SEMA5B: variants seen among roughly 807,000 people sequenced by gnomAD.
SEMA5B encodes the protein semaphorin 5B.
In SEMA5B, 66 loss-of-function variants were observed where a neutral mutation model predicts 135.0. The ratio of observed to expected loss-of-function variants is 0.49; its 90% CI spans 0.40 to 0.60. SEMA5B has a LOEUF of 0.60. Ranked by LOEUF, SEMA5B falls within the 20% of genes least tolerant of loss-of-function variation. SEMA5B has a pLI of 0.00. For synonymous variants in SEMA5B, 690 were observed against 639.5 expected, an observed-to-expected ratio of 1.08 and a Z score of -1.19; for missense variants, 1,501 against 1,566.3, an observed-to-expected ratio of 0.96 and a Z score of 0.70.
chr3:123,003,904 G>C lies in SEMA5B; in HGVS notation c.-39+23560C>G, dbSNP rs535456283. ...CTTGAAGTTTTAATTCAGCTGCCAA[G>C]AACAATCAGGGCAGCCTTCCTTGTT... On this transcript the variant is annotated intron_variant, in intron 1 of 22. Coordinates refer to ENST00000357599, the MANE Select transcript of SEMA5B (RefSeq NM_001031702.4). 2.5e-4 allele frequency among the ~76,000 whole-genome samples: 38 copies of C among 152,206 alleles called. 2 individuals are homozygous for C. The South Asian group carries it at 6.6e-3, about 27-fold the overall frequency.
intron 12 of SEMA5B, among the ~76,000 whole-genome samples, chr3:122,920,191 T>C (rs1938278194): frequency 6.6e-6 from 1 of 152,216 alleles, no homozygotes; most frequent in Non-Finnish European, 1.5e-5. Context: ...AAGTCCTCCT[T>C]TGGCCTTCTC....
chr3:122,913,858 C>G lies in SEMA5B; in HGVS notation c.2132G>C (p.Arg711Pro). 1 of 1,600,658 alleles carries G rather than the reference C, an allele frequency of 6.2e-7. No individual in the cohort carries two copies. Among genetic ancestry groups the G allele is most frequent in the Non-Finnish European group, 8.5e-7 (1 of 1,172,796 alleles). The part of the protein sequence containing the change: ...RICVGKSREE[R>P]FCNENTPCPV... ...TCAGAGCAAGCCTGTTCTCCCTCACCGTTCCTCCCGGCTCTTGCCCACGCA... is the reference window on the plus strand; with the variant it reads ...TCAGAGCAAGCCTGTTCTCCCTCACGGTTCCTCCCGGCTCTTGCCCACGCA... Residue 711 changes from arginine to proline, a missense_variant and splice_region_variant, in exon 15 of 23, where the codon CGG becomes CCG. Physicochemically the swap from Arg to Pro is moderately radical, Grantham distance 103. Around this residue, in one of 2 missense-constraint regions of SEMA5B, gnomAD observed 927 missense variants for 881.6 expected, o/e 1.05. Transcript: ENST00000357599.
At position 122,943,428 on chromosome 3, in the gene SEMA5B, C is replaced by CT. The variant is rs1939651760; in HGVS notation, c.428+7dup. ...ACTTCCCACCCCGACCCTTCTGCCC[C>CT]TTGTTACCTGGCTCCCACGATGAGC... is the stretch of plus-strand genomic sequence containing the variant. On this transcript the variant is annotated splice_region_variant and intron_variant, in intron 4 of 22. Coordinates refer to ENST00000357599, the MANE Select transcript of SEMA5B (RefSeq NM_001031702.4). The CT allele has an allele frequency of 6.3e-7, 1 of 1,589,408 alleles. No homozygotes were observed. Among genetic ancestry groups the CT allele is most frequent in the Admixed American group, 1.8e-5 (1 of 56,090 alleles).
rs762916071 is a variant in SEMA5B at position 122,915,487 on chromosome 3, C to G, written c.1941G>C (p.Gly647=). 3.1e-6 allele frequency: 5 copies of G among 1,613,616 alleles called. No individual in the cohort carries two copies. The Admixed American group carries it at 5.0e-5, about 16-fold the overall frequency. ...TGGCTGGCCCCAGGCAGTCAAGGCC[C>G]CCACAGCGGGGTCGAGGGGAATCAC... ...RSCDSPRPRC[G]GLDCLGPAIH... Residue 647 remains glycine, a synonymous_variant, in exon 14 of 23, where the codon GGG becomes GGC. Coordinates refer to ENST00000357599, the MANE Select transcript of SEMA5B (RefSeq NM_001031702.4).
chr3:123,005,808 T>C (rs774491069), intron 1 of SEMA5B, among the ~76,000 whole-genome samples: 1 of 152,142 alleles, frequency 6.6e-6, no homozygotes, highest in Non-Finnish European at 1.5e-5. Context: ...GGGACCCTCC[T>C]CCCAGGGGCC....
Position 122,948,703 on chromosome 3 carries a change from A to G in SEMA5B, c.131T>C (p.Leu44Pro). ...CCTAGCTCCGGGAGGCAGACAGGGG[A>G]GAAGACCTGCAACGTAAACACTCAG... is the stretch of plus-strand genomic sequence containing the variant. The part of the protein sequence containing the change: ...GWLLSLVRGL[L>P]PCLPPGARTA... The change falls in exon 3 of 23, where the codon CTC (leucine) becomes CCC (proline). Residue 44 changes from leucine (L) to proline (P), a missense_variant. Around this residue, in one of 2 missense-constraint regions of SEMA5B, gnomAD observed 574 missense variants for 684.7 expected, o/e 0.84. Coordinates refer to ENST00000357599, the MANE Select transcript of SEMA5B (RefSeq NM_001031702.4). The G allele has an allele frequency of 6.3e-7, 1 of 1,597,948 alleles. No individual in the cohort carries two copies.
chr3:122,967,957 G>C (rs538262531), intron 1 of SEMA5B, among the ~76,000 whole-genome samples: 2 of 152,210 alleles, frequency 1.3e-5, no homozygotes, highest in African/African-American at 4.8e-5. Context: ...ACCATGCACC[G>C]GGCCCAGCCC....
At chr3:122,934,969 TG>T in intron 5 of SEMA5B, among the ~76,000 whole-genome samples, 1 of 151,770 alleles carries the variant, frequency 6.6e-6, no homozygotes, top group South Asian at 2.1e-4. Flanking sequence ...GACAGGGACG[TG>T]GGGGGATGTA....
At chr3:122,938,490 T>C (rs1576349805) in intron 5 of SEMA5B, among the ~76,000 whole-genome samples, 1 of 152,186 alleles carries the variant, frequency 6.6e-6, no homozygotes. Context: ...CAGAATGTCA[T>C]ACCAGCTCCC....
chr3:122,980,767 C>T (rs1425070372), intron 1 of SEMA5B, among the ~76,000 whole-genome samples: 1 of 152,132 alleles, frequency 6.6e-6, no homozygotes, highest in African/African-American at 2.4e-5. Flanking sequence ...ATCTCTAGCA[C>T]CTACTCATTT....
chr3:123,024,962 C>T (rs544730384), intron 1 of SEMA5B, among the ~76,000 whole-genome samples: 1 of 152,306 alleles, frequency 6.6e-6, no homozygotes, highest in East Asian at 1.9e-4. Context: ...TGAATTTGTG[C>T]TTCCCCTGAC....
chr3:123,010,921 G>A (rs945553087), intron 1 of SEMA5B, among the ~76,000 whole-genome samples: 8 of 152,126 alleles, frequency 5.3e-5, no homozygotes, highest in African/African-American at 9.7e-5. Context: ...AGCAAATAGC[G>A]GGTGTGAATC....
At chr3:122,955,390 C>T (rs1015940749) in intron 2 of SEMA5B, among the ~76,000 whole-genome samples, 1 of 152,196 alleles carries the variant, frequency 6.6e-6, no homozygotes, top group African/African-American at 2.4e-5. Flanking sequence ...TGTATAAGTG[C>T]TATTATTATT....
At chr3:122,919,677 A>AAT (rs1938253717) in intron 12 of SEMA5B, among the ~76,000 whole-genome samples, 1 of 152,204 alleles carries the variant, frequency 6.6e-6, no homozygotes, top group African/African-American at 2.4e-5. Context: ...CCTGGGGTAC[A>AAT]CAGCTTGGTG....
At chr3:122,947,422 A>T (rs1939836151) in intron 3 of SEMA5B, among the ~76,000 whole-genome samples, 1 of 151,346 alleles carries the variant, frequency 6.6e-6, no homozygotes, top group African/African-American at 2.4e-5. Flanking sequence ...TGCCTCTCCC[A>T]CCTCTCAAAT....
intron 1 of SEMA5B, among the ~76,000 whole-genome samples, chr3:122,977,108 C>T (rs1181424745): frequency 6.6e-6 from 1 of 152,166 alleles, no homozygotes; most frequent in Admixed American, 6.5e-5. Context: ...TCTCTGATCC[C>T]AGGTGGGAAA....
At chr3:122,955,600 G>A (rs1468355300) in intron 2 of SEMA5B, among the ~76,000 whole-genome samples, 2 of 152,196 alleles carry the variant, frequency 1.3e-5, no homozygotes, top group Non-Finnish European at 2.9e-5. Context: ...CACCAGCAGT[G>A]CATAGCCAAT....
intron 5 of SEMA5B, among the ~76,000 whole-genome samples, chr3:122,930,526 G>A (rs1231381709): frequency 1.3e-5 from 2 of 152,228 alleles, no homozygotes; most frequent in Admixed American, 6.5e-5. Flanking sequence ...AAAGAGCAAC[G>A]AGCCACAAAC....
intron 1 of SEMA5B, among the ~76,000 whole-genome samples, chr3:122,983,301 C>T (rs1000228917): frequency 2.6e-5 from 4 of 152,060 alleles, no homozygotes; most frequent in Non-Finnish European, 5.9e-5. Flanking sequence ...TCTCTGTCCT[C>T]ATGTCACTTA....
Sources: gnomAD v4.1 joint callset for allele counts (sites outside exome capture counted in the v4.1 genomes callset) on GRCh38, gnomAD v4.1.1 for gene constraint, gnomAD v4.1.1 regional missense constraint, MANE v1.5 for transcripts, NCBI Gene and HGNC (gene_info 2026-07-23, HGNC 2026-07-21) for gene names.